CCDC7: variants seen among roughly 807,000 people sequenced by gnomAD.
CCDC7 encodes the protein coiled-coil domain containing 7.
In CCDC7, 183 loss-of-function variants were observed where a neutral mutation model predicts 196.9. That is an observed-to-expected ratio of 0.93 (90% CI 0.82 to 1.05). The LOEUF is 1.05. Ranked by LOEUF, CCDC7 falls within the 50% of genes least tolerant of loss-of-function variation. The pLI is 0.00. For synonymous variants in CCDC7, 525 were observed against 484.6 expected, an observed-to-expected ratio of 1.08 and a Z score of -1.10; for missense variants, 1,540 against 1,482.2, an observed-to-expected ratio of 1.04 and a Z score of -0.64.
intron 41 of CCDC7, among the ~76,000 whole-genome samples, chr10:32,860,878 G>C (rs563754409): frequency 9.3e-4 from 142 of 152,162 alleles, no homozygotes; most frequent in African/African-American, 3.2e-3. Context: ...TCTTCAAGGA[G>C]AACTACAAAC....
chr10:32,472,755 C>T (rs1197024159), intron 7 of CCDC7, among the ~76,000 whole-genome samples: 1 of 151,872 alleles, frequency 6.6e-6, no homozygotes, highest in African/African-American at 2.4e-5. Flanking sequence ...GCCACTGAGG[C>T]CAGCTGATTT....
At chr10:32,470,810 A>G (rs959315299) in intron 5 of CCDC7, among the ~76,000 whole-genome samples, 3 of 152,166 alleles carry the variant, frequency 2.0e-5, no homozygotes, top group South Asian at 2.1e-4. Context: ...TAAAATTCCT[A>G]TATATTAAAG....
intron 16 of CCDC7, chr10:32,574,490 G>T: frequency 6.4e-7 from 1 of 1,567,030 alleles, no homozygotes; most frequent in South Asian, 1.2e-5. Context: ...GAGTGGATGG[G>T]AGCGAAGTAA....
intron 21 of CCDC7, among the ~76,000 whole-genome samples, chr10:32,673,961 C>T (rs955300106): frequency 1.3e-5 from 2 of 151,820 alleles, no homozygotes; most frequent in Non-Finnish European, 2.9e-5. Context: ...GTTGTAGTGT[C>T]TCCTCTTTCA....
At chr10:32,448,339 C>T (rs908068293), upstream of CCDC7, among the ~76,000 whole-genome samples, 1 of 151,606 alleles carries the variant, frequency 6.6e-6, no homozygotes, top group African/African-American at 2.4e-5. Context: ...TGAGTAGTCT[C>T]TTACACATAT....
At chr10:32,713,173 A>T (rs2081085840) in intron 25 of CCDC7, among the ~76,000 whole-genome samples, 1 of 152,218 alleles carries the variant, frequency 6.6e-6, no homozygotes, top group Non-Finnish European at 1.5e-5. Flanking sequence ...ATAGGGGTTT[A>T]TAGTGGCCCA....
chr10:32,856,087 C>A (rs764459683), intron 41 of CCDC7, among the ~76,000 whole-genome samples: 1 of 151,970 alleles, frequency 6.6e-6, no homozygotes. Flanking sequence ...CAAAGTAGAC[C>A]GAAAACCTAA....
chr10:32,679,342 A>T (rs2075511118), intron 21 of CCDC7, among the ~76,000 whole-genome samples: 1 of 152,066 alleles, frequency 6.6e-6, no homozygotes, highest in African/African-American at 2.4e-5. Flanking sequence ...CAAACAGAAG[A>T]CCTCTTACTC....
intron 18 of CCDC7, among the ~76,000 whole-genome samples, chr10:32,598,429 A>G (rs538363178): frequency 6.6e-6 from 1 of 152,268 alleles, no homozygotes; most frequent in East Asian, 1.9e-4. Context: ...TAGGAAAGGG[A>G]ATTCCCTGAT....
chr10:32,544,512 T>G (rs2136178665), intron 13 of CCDC7: 1 of 359,150 alleles, frequency 2.8e-6, no homozygotes, highest in Middle Eastern at 7.8e-4. Context: ...GAATGAAATG[T>G]CAAACCCAGG....
chr10:32,667,947 A>G (rs1031929650), intron 21 of CCDC7, among the ~76,000 whole-genome samples: 1 of 152,014 alleles, frequency 6.6e-6, no homozygotes, highest in Non-Finnish European at 1.5e-5. Context: ...TGAATCTATA[A>G]ATTACCTTGG....
At chr10:32,479,955 A>T (rs2039674597) in intron 8 of CCDC7, among the ~76,000 whole-genome samples, 2 of 151,854 alleles carry the variant, frequency 1.3e-5, no homozygotes, top group African/African-American at 4.8e-5. Context: ...TGTGTCTATG[A>T]ATTATCCAGT....
rs184307252 is a variant in CCDC7, at chr10:32,498,771, T to G, written c.872+6774T>G. ...AGATCTGCTGTTAGTCTGATGGGCT[T>G]CCTTTTGTGGGTAACCCGACCTTTC... On this transcript the variant is annotated intron_variant, in intron 9 of 41. Transcript: ENST00000639629. Among the ~76,000 whole-genome samples, 252 of 152,192 alleles carry G rather than the reference T, an allele frequency of 1.7e-3. 2 individuals carry two copies. Among genetic ancestry groups the G allele is most frequent in the African/African-American group, 5.8e-3 (242 of 41,528 alleles).
At chr10:32,611,655 C>T (rs907274730) in intron 18 of CCDC7, among the ~76,000 whole-genome samples, 1 of 152,168 alleles carries the variant, frequency 6.6e-6, no homozygotes, top group Non-Finnish European at 1.5e-5. Flanking sequence ...CCACTTTTCT[C>T]AGCATCATTT....
intron 21 of CCDC7, among the ~76,000 whole-genome samples, chr10:32,673,654 C>CGTGTGTGTGTATGTGTGT (rs2074431464): frequency 3.4e-5 from 5 of 147,948 alleles, no homozygotes; most frequent in Admixed American, 3.3e-4. Flanking sequence ...CCATTGTGCA[C>CGTGTGTGTGTATGTGTGT]GTGTGTGTGT....
chr10:32,545,005 GA>G (rs1474433473), intron 13 of CCDC7, among the ~76,000 whole-genome samples: 2 of 152,006 alleles, frequency 1.3e-5, no homozygotes, highest in African/African-American at 2.4e-5. Context: ...AGTACAATAG[GA>G]AAAAAACCAA....
chr10:32,639,421 C>G (rs1057003997), intron 20 of CCDC7, among the ~76,000 whole-genome samples: 20 of 152,050 alleles, frequency 1.3e-4, no homozygotes, highest in Non-Finnish European at 2.2e-4. Context: ...CCCAGAGATT[C>G]TGGTATGTTG....
chr10:32,778,603 T>G (rs1238375046), intron 28 of CCDC7, among the ~76,000 whole-genome samples: 1 of 152,220 alleles, frequency 6.6e-6, no homozygotes, highest in Non-Finnish European at 1.5e-5. Context: ...TAGTTTCAAG[T>G]CAGGTAGTAT....
At chr10:32,586,158 C>G (rs899794597) in intron 18 of CCDC7, among the ~76,000 whole-genome samples, 1 of 152,076 alleles carries the variant, frequency 6.6e-6, no homozygotes, top group South Asian at 2.1e-4. Context: ...GTTTGTTGGC[C>G]GCATAAATGT....
Sources: allele counts gnomAD v4.1 joint callset (sites outside exome capture counted in the v4.1 genomes callset), GRCh38; gene constraint gnomAD v4.1.1; transcripts MANE v1.5; gene names NCBI Gene and HGNC (gene_info 2026-07-23, HGNC 2026-07-21).